CNTN5: variants seen among roughly 807,000 people sequenced by gnomAD.
The protein encoded by CNTN5 is contactin 5, also known as contactin-5.
CNTN5 carries 77 observed loss-of-function variants against 129.1 expected under a neutral mutation model. The observed-to-expected ratio is 0.60, with a 90% confidence interval of 0.50 to 0.72. CNTN5 has a LOEUF of 0.72. CNTN5 is among the 30% of genes least tolerant of loss of function. The pLI, the probability that CNTN5 is intolerant of heterozygous loss-of-function variation, is 0.00. For missense variants in CNTN5, 1,478 were observed against 1,328.8 expected (o/e 1.11, Z -1.75); for synonymous variants, 509 against 465.6 (o/e 1.09, Z -1.20).
chr11:99,462,647 A>G (rs1006559462), intron 2 of CNTN5, among the ~76,000 whole-genome samples: 1 of 152,190 alleles, frequency 6.6e-6, no homozygotes, highest in Admixed American at 6.5e-5. Flanking sequence ...ATCCTCCAAA[A>G]GAGTCCGGTA....
chr11:99,673,184 C>A (rs1953121472), intron 3 of CNTN5, among the ~76,000 whole-genome samples: 1 of 152,132 alleles, frequency 6.6e-6, no homozygotes, highest in Non-Finnish European at 1.5e-5. Flanking sequence ...ACTCCAGTTA[C>A]AGATCTCAGA....
chr11:99,517,145 C>T (rs1947086684), intron 2 of CNTN5, among the ~76,000 whole-genome samples: 1 of 152,068 alleles, frequency 6.6e-6, no homozygotes, highest in Non-Finnish European at 1.5e-5. Flanking sequence ...AAAGACCAGT[C>T]AAATACAGGG....
rs1180885991 is a variant in CNTN5, at chr11:100,350,812, A to G, written c.3141A>G (p.Ala1047=). Residue 1047 remains alanine, a synonymous_variant, in exon 24 of 25, where the codon GCA becomes GCG. Coordinates refer to ENST00000524871, the MANE Select transcript of CNTN5 (RefSeq NM_014361.4). ...GAGTCTATATTATTGAAGTTCGAGC[A>G]TATAGTGAAGGAGGAGATGGAACAG... ...DAGVYIIEVR[A]YSEGGDGTAS... is the part of the protein sequence containing the mutation. 3.5e-5 allele frequency: 56 copies of G among 1,607,044 alleles called. No homozygotes were observed. Among genetic ancestry groups the G allele is most frequent in the Non-Finnish European group, 4.7e-5 (55 of 1,175,670 alleles).
In CNTN5 at chr11:100,341,164, G is replaced by A. The variant is rs200134748; in HGVS notation, c.2989G>A (p.Val997Ile). 5.8e-5 allele frequency: 94 copies of A among 1,613,826 alleles called. No homozygotes were observed. Among genetic ancestry groups the A allele is most frequent in the African/African-American group, 3.5e-4 (26 of 75,020 alleles). ...TCAGGTTTCTCTGGGCTGGGAACCC[G>A]TCATACCATTAGCCAACGAATCTGA... The part of the protein sequence containing the change: ...GSQVSLGWEP[V>I]IPLANESEVV... Residue 997 changes from valine to isoleucine, a missense_variant, in exon 23 of 25, where the codon GTC (valine) becomes ATC (isoleucine). Coordinates refer to ENST00000524871, the MANE Select transcript of CNTN5 (RefSeq NM_014361.4).
At chr11:99,682,986 A>G (rs1001674528) in intron 3 of CNTN5, among the ~76,000 whole-genome samples, 1 of 151,882 alleles carries the variant, frequency 6.6e-6, no homozygotes, top group Non-Finnish European at 1.5e-5. Context: ...TAACACTAAC[A>G]ATAGTGTTGC....
At chr11:99,534,832 T>C (rs924476048) in intron 2 of CNTN5, among the ~76,000 whole-genome samples, 18 of 152,096 alleles carry the variant, frequency 1.2e-4, no homozygotes, top group African/African-American at 4.1e-4. Context: ...AGGGAGAACT[T>C]TTGTCTGGTA....
intron 1 of CNTN5, among the ~76,000 whole-genome samples, chr11:99,153,510 A>G (rs1655598825): frequency 6.6e-6 from 1 of 151,144 alleles, no homozygotes; most frequent in African/African-American, 2.4e-5. Flanking sequence ...TTTTCTTAAA[A>G]TAACCATTTT....
intron 21 of CNTN5, chr11:100,309,102 C>CTCTTGT: frequency 1.0e-6 from 1 of 984,994 alleles, no homozygotes; most frequent in East Asian, 1.1e-4. Context: ...TCTCACACAG[C>CTCTTGT]TCTTGTTCTT....
At chr11:99,591,329 A>G (rs1949971871) in intron 3 of CNTN5, among the ~76,000 whole-genome samples, 1 of 134,786 alleles carries the variant, frequency 7.4e-6, no homozygotes, top group Non-Finnish European at 1.5e-5. Context: ...TACATGACTC[A>G]ACAAAACCTT....
chr11:100,154,695 A>G (rs1435186562), intron 13 of CNTN5, among the ~76,000 whole-genome samples: 4 of 152,032 alleles, frequency 2.6e-5, no homozygotes, highest in Non-Finnish European at 5.9e-5. Flanking sequence ...TTGTTTCCTG[A>G]CTTTTTAATG....
intron 1 of CNTN5, among the ~76,000 whole-genome samples, chr11:99,265,594 C>T (rs1374497334): frequency 6.6e-6 from 1 of 151,978 alleles, no homozygotes; most frequent in Non-Finnish European, 1.5e-5. Flanking sequence ...TTTTCCCTTT[C>T]TAATGTTGAA....
intron 13 of CNTN5, among the ~76,000 whole-genome samples, chr11:100,098,556 C>T (rs920389973): frequency 1.4e-4 from 22 of 152,022 alleles, no homozygotes; most frequent in Non-Finnish European, 7.4e-5. Flanking sequence ...TGCAGGAACA[C>T]TACTCATTTT....
intron 2 of CNTN5, among the ~76,000 whole-genome samples, chr11:99,387,750 C>A (rs1264466388): frequency 3.3e-5 from 5 of 152,138 alleles, no homozygotes; most frequent in Admixed American, 1.3e-4. Flanking sequence ...CTCTCTTTGA[C>A]CTTATGCTGG....
At chr11:100,086,656 A>G (rs933218675) in intron 13 of CNTN5, among the ~76,000 whole-genome samples, 1 of 151,512 alleles carries the variant, frequency 6.6e-6, no homozygotes, top group Non-Finnish European at 1.5e-5. Flanking sequence ...TAGAAATAAA[A>G]ATTCAGCAAT....
At chr11:99,264,736 A>G (rs1862806796) in intron 1 of CNTN5, among the ~76,000 whole-genome samples, 1 of 152,136 alleles carries the variant, frequency 6.6e-6, no homozygotes, top group South Asian at 2.1e-4. Context: ...CATAAACTTG[A>G]TCATAAACTA....
At chr11:99,730,454 A>G (rs1332979159) in intron 3 of CNTN5, among the ~76,000 whole-genome samples, 1 of 152,208 alleles carries the variant, frequency 6.6e-6, no homozygotes, top group Non-Finnish European at 1.5e-5. Flanking sequence ...TCAAAGATAA[A>G]CACCTCAATA....
At chr11:99,797,919 A>T (rs1368900876) in intron 3 of CNTN5, among the ~76,000 whole-genome samples, 1 of 152,174 alleles carries the variant, frequency 6.6e-6, no homozygotes, top group African/African-American at 2.4e-5. Context: ...TCATTTAAAA[A>T]TATAGCCTCT....
chr11:99,647,532 G>T (rs887366138), intron 3 of CNTN5, among the ~76,000 whole-genome samples: 1 of 151,630 alleles, frequency 6.6e-6, no homozygotes, highest in Non-Finnish European at 1.5e-5. Context: ...GATCTTTTGT[G>T]GTTCCATACA....
intron 13 of CNTN5, among the ~76,000 whole-genome samples, chr11:100,094,242 C>T (rs563874538): frequency 2.0e-5 from 3 of 152,226 alleles, no homozygotes; most frequent in Non-Finnish European, 4.4e-5. Context: ...GGTGCTCCCA[C>T]TTGACTGAAA....
Sources: gnomAD v4.1 joint callset for allele counts (sites outside exome capture counted in the v4.1 genomes callset) on GRCh38, gnomAD v4.1.1 for gene constraint, MANE v1.5 for transcripts, NCBI Gene and HGNC (gene_info 2026-07-23, HGNC 2026-07-21) for gene names.